TMEM132D: variants seen among roughly 807,000 people sequenced by gnomAD.
TMEM132D encodes the protein mature OL transmembrane protein.
In TMEM132D, 21 loss-of-function variants were observed where a neutral mutation model predicts 62.3. That is an observed-to-expected ratio of 0.34 (90% confidence interval 0.24 to 0.49). The LOEUF is 0.49. Ranked by LOEUF, TMEM132D falls within the 20% of genes least tolerant of loss-of-function variation. TMEM132D has a pLI of 0.99. For missense variants in TMEM132D, 1,346 were observed against 1,402.8 expected (o/e 0.96, Z 0.65); for synonymous variants, 621 against 575.6 (o/e 1.08, Z -1.13).
intron 4 of TMEM132D, among the ~76,000 whole-genome samples, chr12:129,312,810 C>T (rs1161193438): frequency 6.6e-6 from 1 of 152,116 alleles, no homozygotes; most frequent in African/African-American, 2.4e-5. Context: ...CATTCTAGTT[C>T]AAGCAAACAG....
At chr12:129,283,638 G>A (rs931316799) in intron 4 of TMEM132D, among the ~76,000 whole-genome samples, 5 of 152,072 alleles carry the variant, frequency 3.3e-5, no homozygotes, top group South Asian at 2.1e-4. Context: ...TCCTCCCTTC[G>A]ACATGATGGG....
intron 5 of TMEM132D, among the ~76,000 whole-genome samples, chr12:129,105,825 T>C (rs1489834855): frequency 6.6e-6 from 1 of 151,208 alleles, no homozygotes; most frequent in African/African-American, 2.5e-5. Context: ...GGTGGGACTG[T>C]AAACTAGTTC....
intron 1 of TMEM132D, among the ~76,000 whole-genome samples, chr12:129,710,520 C>T (rs2137235647): frequency 6.6e-6 from 1 of 152,278 alleles, no homozygotes; most frequent in East Asian, 1.9e-4. Flanking sequence ...TGGTCTCGAA[C>T]TCCCGACCTC....
intron 3 of TMEM132D, among the ~76,000 whole-genome samples, chr12:129,380,640 C>G (rs916050140): frequency 6.6e-6 from 1 of 152,040 alleles, no homozygotes; most frequent in African/African-American, 2.4e-5. Context: ...GTCTCCATCA[C>G]CACAGTCGAG....
chr12:129,456,499 T>C (rs1382281213), intron 3 of TMEM132D, among the ~76,000 whole-genome samples: 2 of 152,156 alleles, frequency 1.3e-5, no homozygotes, highest in Non-Finnish European at 2.9e-5. Flanking sequence ...TCCCAGTGTC[T>C]GCCAGATTCT....
chr12:129,493,204 A>T (rs1276386233), intron 3 of TMEM132D, among the ~76,000 whole-genome samples: 3 of 152,336 alleles, frequency 2.0e-5, no homozygotes, highest in South Asian at 2.1e-4. Flanking sequence ...GAATCCAAAA[A>T]TTAATCCAAC....
chr12:129,333,210 G>A (rs1362008525), intron 4 of TMEM132D, among the ~76,000 whole-genome samples: 1 of 152,186 alleles, frequency 6.6e-6, no homozygotes, highest in Non-Finnish European at 1.5e-5. Context: ...GAAGCTGCAG[G>A]AAAATGGGTA....
chr12:129,602,644 A>G (rs1051626578), intron 2 of TMEM132D, among the ~76,000 whole-genome samples: 1 of 152,142 alleles, frequency 6.6e-6, no homozygotes, highest in Non-Finnish European at 1.5e-5. Flanking sequence ...CAGAGCAGTT[A>G]TAAGTTCACA....
At chr12:129,616,530 G>A (rs7973021) in intron 2 of TMEM132D, among the ~76,000 whole-genome samples, 6,362 of 152,220 alleles carry the variant, frequency 0.042, 180 homozygotes, top group Middle Eastern at 0.099. Flanking sequence ...ATCGTGGGAG[G>A]GACCCAGTGG....
At chr12:129,091,274 C>A (rs957587073) in intron 5 of TMEM132D, among the ~76,000 whole-genome samples, 1 of 137,872 alleles carries the variant, frequency 7.3e-6, no homozygotes, top group Non-Finnish European at 1.6e-5. Flanking sequence ...TCTGGGGACC[C>A]TTCCTAAACT....
chr12:129,501,404 C>A (rs1274298374), intron 3 of TMEM132D, among the ~76,000 whole-genome samples: 1 of 152,132 alleles, frequency 6.6e-6, no homozygotes, highest in Non-Finnish European at 1.5e-5. Context: ...CAGAGATGTG[C>A]TCATTTCTCA....
chr12:129,259,071 T>A (rs958936273), intron 4 of TMEM132D, among the ~76,000 whole-genome samples: 1 of 152,024 alleles, frequency 6.6e-6, no homozygotes, highest in Non-Finnish European at 1.5e-5. Flanking sequence ...TACAGCAGGG[T>A]TGTAGACACT....
At chr12:129,883,625 C>A (rs907821443) in intron 1 of TMEM132D, among the ~76,000 whole-genome samples, 9 of 152,124 alleles carry the variant, frequency 5.9e-5, no homozygotes, top group Non-Finnish European at 1.0e-4. Flanking sequence ...AAAAGTTTCA[C>A]ATATCTGATT....
intron 2 of TMEM132D, among the ~76,000 whole-genome samples, chr12:129,676,634 C>T (rs1179536330): frequency 2.6e-5 from 4 of 152,158 alleles, no homozygotes; most frequent in East Asian, 3.9e-4. Flanking sequence ...TGAGAACTCA[C>T]TTATTACTGC....
intron 5 of TMEM132D, among the ~76,000 whole-genome samples, chr12:129,104,637 T>G (rs1045885186): frequency 6.6e-6 from 1 of 151,678 alleles, no homozygotes; most frequent in African/African-American, 2.4e-5. Context: ...TTTCACAACC[T>G]ACTCATCTGA....
chr12:129,610,609 A>G (rs1047487279), intron 2 of TMEM132D, among the ~76,000 whole-genome samples: 8 of 152,164 alleles, frequency 5.3e-5, no homozygotes, highest in African/African-American at 1.9e-4. Flanking sequence ...CGTCCAGCCA[A>G]CTGGCTGGGA....
At chr12:129,802,892 G>A (rs372607154) in intron 1 of TMEM132D, among the ~76,000 whole-genome samples, 2 of 151,486 alleles carry the variant, frequency 1.3e-5, no homozygotes, top group East Asian at 1.9e-4. Context: ...TGCAATCCTA[G>A]TCTCTGATAA....
chr12:129,332,130 T>G (rs975108694), intron 4 of TMEM132D, among the ~76,000 whole-genome samples: 1 of 152,216 alleles, frequency 6.6e-6, no homozygotes, highest in African/African-American at 2.4e-5. Flanking sequence ...TGGTTACAGA[T>G]AAGCACTTGA....
chr12:129,490,423 C>CTTTTTTTTTTTT (rs11311745), intron 3 of TMEM132D, among the ~76,000 whole-genome samples: 2 of 58,552 alleles, frequency 3.4e-5, no homozygotes, highest in Admixed American at 2.7e-4. Context: ...ATTTCCTTTC[C>CTTTTTTTTTTTT]TTTTTTTTTT....
Sources: gnomAD v4.1 joint callset for allele counts (sites outside exome capture counted in the v4.1 genomes callset) on GRCh38, gnomAD v4.1.1 for gene constraint, MANE v1.5 for transcripts, NCBI Gene and HGNC (gene_info 2026-07-23, HGNC 2026-07-21) for gene names.